The following SKAP1 variants were observed in gnomAD, a reference collection of about 807,000 sequenced individuals.
The protein encoded by SKAP1 is src kinase associated phosphoprotein 1, also known as src kinase-associated phosphoprotein 1.
Under a neutral mutation model 58.5 loss-of-function variants are expected in SKAP1, and 44 were observed. The ratio of observed to expected loss-of-function variants is 0.75; its 90% CI spans 0.59 to 0.97. SKAP1 has a LOEUF of 0.97. Among genes scored for constraint, SKAP1 ranks in the 50% least tolerant of loss-of-function variants. The pLI is 0.00. For synonymous variants in SKAP1, 127 were observed against 149.7 expected (o/e 0.85, Z 1.11); for missense variants, 390 against 435.2 (o/e 0.90, Z 0.92).
intron 4 of SKAP1, among the ~76,000 whole-genome samples, chr17:48,255,149 G>A (rs2065408870): frequency 6.6e-6 from 1 of 151,980 alleles, no homozygotes; most frequent in African/African-American, 2.4e-5. Flanking sequence ...AAAGGAAGAG[G>A]AAAAGAGTCT....
intron 11 of SKAP1, among the ~76,000 whole-genome samples, chr17:48,139,723 C>T (rs1567788633): frequency 6.6e-6 from 1 of 152,130 alleles, no homozygotes; most frequent in Non-Finnish European, 1.5e-5. Flanking sequence ...ATCTCCCCTC[C>T]TCAAACTCAT....
At chr17:48,190,766 A>C (rs541503351) in intron 4 of SKAP1, among the ~76,000 whole-genome samples, 3 of 152,192 alleles carry the variant, frequency 2.0e-5, no homozygotes, top group African/African-American at 7.2e-5. Context: ...CAGGCAAATC[A>C]CGAGGTCAGG....
At chr17:48,431,015 T>C (rs949067611), upstream of SKAP1, among the ~76,000 whole-genome samples, 1 of 152,202 alleles carries the variant, frequency 6.6e-6, no homozygotes, top group Admixed American at 6.5e-5. Flanking sequence ...TAGACAGAGT[T>C]CCTCTATTAT....
chr17:48,420,955 C>T (rs552994929), intron 1 of SKAP1, among the ~76,000 whole-genome samples: 7 of 152,216 alleles, frequency 4.6e-5, no homozygotes, highest in Admixed American at 2.0e-4. Flanking sequence ...GTCAAAATCA[C>T]CCCTGTTGGC....
intron 4 of SKAP1, among the ~76,000 whole-genome samples, chr17:48,199,894 G>A (rs961129287): frequency 1.3e-5 from 2 of 152,184 alleles, no homozygotes; most frequent in South Asian, 4.2e-4. Context: ...ATGGGGAAAC[G>A]AAGTTGCATA....
At chr17:48,175,516 G>T (rs933707877) in intron 9 of SKAP1, among the ~76,000 whole-genome samples, 3 of 152,210 alleles carry the variant, frequency 2.0e-5, no homozygotes, top group Non-Finnish European at 4.4e-5. Flanking sequence ...TGTGTATTTG[G>T]TTATCTCAAC....
At chr17:48,341,747 G>A (rs981867843) in intron 4 of SKAP1, among the ~76,000 whole-genome samples, 1 of 152,052 alleles carries the variant, frequency 6.6e-6, no homozygotes, top group Non-Finnish European at 1.5e-5. Context: ...TCATTTTGCT[G>A]AAGAATAAGA....
At chr17:48,290,089 TTCTC>T (rs2065881554) in intron 4 of SKAP1, among the ~76,000 whole-genome samples, 1 of 152,174 alleles carries the variant, frequency 6.6e-6, no homozygotes, top group Non-Finnish European at 1.5e-5. Context: ...TTGAGGCACA[TTCTC>T]TATTTTAGAT....
chr17:48,134,764 C>A (rs1042453687), intron 12 of SKAP1, among the ~76,000 whole-genome samples: 1 of 151,922 alleles, frequency 6.6e-6, no homozygotes, highest in Non-Finnish European at 1.5e-5. Flanking sequence ...AGTACAATGG[C>A]GCGATCTCGG....
chr17:48,176,391 CT>C (rs2064290119), intron 9 of SKAP1, among the ~76,000 whole-genome samples: 1 of 152,160 alleles, frequency 6.6e-6, no homozygotes, highest in South Asian at 2.1e-4. Flanking sequence ...AAAAGTTGTC[CT>C]TTTATGGAAT....
At chr17:48,280,812 T>G (rs1205898883) in intron 4 of SKAP1, among the ~76,000 whole-genome samples, 3 of 152,198 alleles carry the variant, frequency 2.0e-5, no homozygotes, top group African/African-American at 7.2e-5. Context: ...GCATAAAACC[T>G]TTAAGATTCA....
At chr17:48,444,384 C>T in the SKAP1 span, among the ~76,000 whole-genome samples, 4 of 151,954 alleles carry the variant, frequency 2.6e-5, no homozygotes, top group Admixed American at 6.5e-5. Flanking sequence ...GGTGAGACTC[C>T]GTCTCAAAAA....
At chr17:48,273,795 A>G (rs917225841) in intron 4 of SKAP1, among the ~76,000 whole-genome samples, 5 of 152,166 alleles carry the variant, frequency 3.3e-5, no homozygotes, top group African/African-American at 1.2e-4. Context: ...TTTAGTATGA[A>G]TAATTGTCAC....
chr17:48,233,190 T>C (rs1486674032), intron 4 of SKAP1, among the ~76,000 whole-genome samples: 1 of 152,174 alleles, frequency 6.6e-6, no homozygotes, highest in Non-Finnish European at 1.5e-5. Context: ...TTGTGGCTAA[T>C]GGGTACCACA....
upstream of SKAP1, among the ~76,000 whole-genome samples, chr17:48,432,013 T>G (rs1251356539): frequency 2.0e-5 from 3 of 152,160 alleles, no homozygotes; most frequent in East Asian, 5.8e-4. Context: ...CAGTGGTGCA[T>G]TGGTTTCAGT....
intron 4 of SKAP1, among the ~76,000 whole-genome samples, chr17:48,268,264 T>TAAAAA (rs758430323): frequency 2.4e-5 from 3 of 124,292 alleles, no homozygotes; most frequent in African/African-American, 6.0e-5. Flanking sequence ...AAAGACTACT[T>TAAAAA]AAAAAAAAAA....
chr17:48,189,368 C>T, intron 5 of SKAP1, 55 bp downstream of exon 5: 1 of 1,441,428 alleles, frequency 6.9e-7, no homozygotes, highest in Non-Finnish European at 9.7e-7. Flanking sequence ...CCTTCTTTTT[C>T]CTCACTTCCC....
rs1257622618 is a variant in SKAP1 at position 48,400,162 on chromosome 17, G to A, written c.47-3377C>T. Reference sequence around the variant, plus strand: ...CTCCCAGGCTGGAGTGTAGTGGCGCGATCTCAGCTCACTGCAACCTCTGGC... The same window carrying A: ...CTCCCAGGCTGGAGTGTAGTGGCGCAATCTCAGCTCACTGCAACCTCTGGC... On this transcript the variant is annotated intron_variant, in intron 1 of 12. Transcript: ENST00000336915. Among the ~76,000 whole-genome samples the A allele has an allele frequency of 2.7e-5, 4 of 149,494 alleles. No homozygotes were observed. In the South Asian group the frequency reaches 6.3e-4, roughly 24 times the overall value.
chr17:48,182,105 C>G (rs2064377393), intron 8 of SKAP1, among the ~76,000 whole-genome samples: 1 of 152,108 alleles, frequency 6.6e-6, no homozygotes, highest in Admixed American at 6.5e-5. Flanking sequence ...CCGAATTGGG[C>G]TGAGCTGATT....
Sources: gnomAD v4.1 joint callset for allele counts (sites outside exome capture counted in the v4.1 genomes callset) on GRCh38, gnomAD v4.1.1 for gene constraint, MANE v1.5 for transcripts, NCBI Gene and HGNC (gene_info 2026-07-23, HGNC 2026-07-21) for gene names.